Variants in STARD9 observed in about 807,000 individuals in gnomAD.
The protein encoded by STARD9 is stAR-related lipid transfer protein 9.
A neutral mutation model predicts 399.8 loss-of-function variants in STARD9; 346 were observed. That is an observed-to-expected ratio of 0.87 (90% CI 0.79 to 0.95). STARD9 has a LOEUF of 0.95. STARD9 is among the 40% of genes least tolerant of loss of function. The pLI is 0.00. For synonymous variants in STARD9, 2,203 were observed against 2,143.5 expected, an observed-to-expected ratio of 1.03 and a Z score of -0.77; for missense variants, 5,832 against 5,667.5, an observed-to-expected ratio of 1.03 and a Z score of -0.93.
At chr15:42,713,349 A>G (rs566983460) in intron 26 of STARD9, among the ~76,000 whole-genome samples, 1 of 152,192 alleles carries the variant, frequency 6.6e-6, no homozygotes, top group East Asian at 1.9e-4. Flanking sequence ...ATTCCTTAAG[A>G]TATTCTATAT....
chr15:42,665,807 G>T lies in STARD9; in HGVS notation c.1276G>T (p.Asp426Tyr). 6.5e-7 allele frequency: 1 copy of T among 1,537,214 alleles called. No individual in the cohort carries two copies. The highest frequency in any genetic ancestry group is 8.7e-7 in the Non-Finnish European group (1 of 1,146,864). The change falls in exon 15 of 33, where the codon GAT becomes TAT. Residue 426 changes from aspartate (D) to tyrosine (Y), a missense_variant. By Grantham distance (160) the Asp-to-Tyr change is radical. This residue lies in a region of STARD9 where 5,828 missense variants were observed against 5,651.1 expected (regional missense o/e 1.03). Transcript: ENST00000290607. ...FELRNFSSLSDENLKELVLQN... is the reference protein window; with the variant it reads ...FELRNFSSLSYENLKELVLQN... ...GCAGAGAAACTTCAGTTCATTGAGT[G>T]ATGAAAACCTGAAGGAGCTGGTTCT...
intron 26 of STARD9, among the ~76,000 whole-genome samples, chr15:42,708,812 T>C (rs184710173): frequency 2.0e-5 from 3 of 152,288 alleles, no homozygotes; most frequent in African/African-American, 4.8e-5. Flanking sequence ...GGTTTTCTTA[T>C]GGTTGGATTG....
rs781031164 is a variant in STARD9, at chr15:42,685,684, G to A, written c.4106G>A (p.Cys1369Tyr). 47 of 1,537,156 alleles carry A rather than the reference G, an allele frequency of 3.1e-5. No homozygotes were observed. The African/African-American group carries it at 5.6e-4, about 18-fold the overall frequency. Residue 1369 changes from cysteine (C) to tyrosine (Y), a missense_variant, in exon 23 of 33, where the codon TGT becomes TAT. Cys to Tyr is a radical substitution (Grantham distance 194, BLOSUM62 -2). Coordinates refer to ENST00000290607, the MANE Select transcript of STARD9 (RefSeq NM_020759.3). The part of the protein sequence containing the change: ...PSPDMQEFHS[C>Y]KGERPGYWPN... ...CCTGATATGCAGGAATTTCACTCCT[G>A]TAAGGGGGAGAGGCCTGGATACTGG... is the stretch of plus-strand genomic sequence containing the variant.
At chr15:42,636,010 A>G (rs623271) in intron 4 of STARD9, among the ~76,000 whole-genome samples, 102,832 of 152,062 alleles carry the variant, frequency 0.68, 37,364 homozygotes, top group East Asian at 0.89. Flanking sequence ...TATCCTGGTC[A>G]GGGTGCCAGG....
chr15:42,621,605 T>C (rs1159705115), intron 3 of STARD9, among the ~76,000 whole-genome samples: 1 of 152,174 alleles, frequency 6.6e-6, no homozygotes, highest in Non-Finnish European at 1.5e-5. Flanking sequence ...TTACAGCTCA[T>C]TTTCTTCATT....
In STARD9 at chr15:42,663,890, C is replaced by T; in HGVS notation, c.1149C>T (p.Asn383=). The T allele has an allele frequency of 6.5e-7, 1 of 1,536,718 alleles. No homozygotes were observed. Among genetic ancestry groups the T allele is most frequent in the Non-Finnish European group, 8.7e-7 (1 of 1,146,404 alleles). The part of the protein sequence containing the change: ...STLRYASSAK[N]IINKPRVNED... ...TGAGATATGCATCCAGTGCCAAAAA[C>T]ATTATCAACAAGCCACGAGTAAATG... The change falls in exon 13 of 33, where the codon AAC becomes AAT. Residue 383 remains asparagine (N), a synonymous_variant. Transcript: ENST00000290607.
chr15:42,582,000 A>G (rs377563048), intron 1 of STARD9, among the ~76,000 whole-genome samples: 2 of 152,208 alleles, frequency 1.3e-5, no homozygotes, highest in Admixed American at 6.5e-5. Context: ...TTAGCTGGGC[A>G]TGGTAGCAAG....
chr15:42,641,138 A>C (rs1407571564), intron 7 of STARD9, among the ~76,000 whole-genome samples: 1 of 152,206 alleles, frequency 6.6e-6, no homozygotes, highest in East Asian at 1.9e-4. Flanking sequence ...AGCTTGGGTC[A>C]TGTGTCCAAT....
intron 3 of STARD9, among the ~76,000 whole-genome samples, chr15:42,627,880 A>G (rs2059256769): frequency 6.6e-6 from 1 of 152,238 alleles, no homozygotes; most frequent in African/African-American, 2.4e-5. Context: ...ATAGTACTGC[A>G]ATAAACATGG....
intron 11 of STARD9, 62 bp from the exon 12 acceptor site, chr15:42,663,219 T>C: frequency 7.2e-7 from 1 of 1,397,182 alleles, no homozygotes; most frequent in South Asian, 1.3e-5. Context: ...ACCATTGTTT[T>C]GTTTTAATAT....
At chr15:42,593,003 T>C (rs144600080) in intron 3 of STARD9, among the ~76,000 whole-genome samples, 1 of 152,292 alleles carries the variant, frequency 6.6e-6, no homozygotes, top group East Asian at 1.9e-4. Context: ...AGAGATCATA[T>C]ATGCCTCAAA....
chr15:42,720,471 G>T lies in STARD9; in HGVS notation c.*897G>T, dbSNP rs978408428. The T allele has an allele frequency of 1.3e-5, 2 of 152,322 alleles. No homozygotes were observed. Among genetic ancestry groups the T allele is most frequent in the African/African-American group, 4.8e-5 (2 of 41,452 alleles). The allele number at this position is 152,322 out of a possible 1,614,324, so 9.4% of individuals were successfully genotyped here. ...GAGGTGAGTGGCTTGTTGGGAGGAA[G>T]CTCAGTTCCAGAACTTACCTCAGTG... On this transcript the variant is annotated 3_prime_UTR_variant, in exon 33 of 33. Transcript: ENST00000290607.
intron 26 of STARD9, among the ~76,000 whole-genome samples, chr15:42,698,711 C>A (rs2060897558): frequency 6.6e-6 from 1 of 152,160 alleles, no homozygotes; most frequent in South Asian, 2.1e-4. Flanking sequence ...ATTCTTCAAT[C>A]CACAATTATA....
chr15:42,670,243 A>G (rs1024383259), intron 16 of STARD9: 7 of 152,194 alleles, frequency 4.6e-5, no homozygotes, highest in African/African-American at 1.4e-4. Flanking sequence ...AAAGTAGGTA[A>G]AGGAAGCTTA....
At chr15:42,636,790 G>T (rs1206415192) in intron 4 of STARD9, among the ~76,000 whole-genome samples, 1 of 152,026 alleles carries the variant, frequency 6.6e-6, no homozygotes, top group Non-Finnish European at 1.5e-5. Flanking sequence ...TTGGGGCTGG[G>T]CATGTTGGCT....
At chr15:42,604,131 G>T (rs2058683992) in intron 3 of STARD9, among the ~76,000 whole-genome samples, 1 of 152,194 alleles carries the variant, frequency 6.6e-6, no homozygotes, top group Admixed American at 6.5e-5. Flanking sequence ...GTAGCCTGGA[G>T]GTTAGAAGTA....
At chr15:42,578,461 C>T (rs2141638772) in intron 1 of STARD9, among the ~76,000 whole-genome samples, 1 of 152,246 alleles carries the variant, frequency 6.6e-6, no homozygotes, top group Admixed American at 6.5e-5. Flanking sequence ...TCCCCTCTAC[C>T]TCACAGTTTC....
At position 42,688,488 on chromosome 15, in the gene STARD9, A is replaced by G. The variant is rs2060614312; in HGVS notation, c.6910A>G (p.Arg2304Gly). ...QKFPSLSQLC[R>G]DTFFRQETVS... ...ATTTCCTAGTCTCAGCCAGCTTTGT[A>G]GGGACACGTTTTTCAGGCAGGAAAC... The change falls in exon 23 of 33, where the codon AGG becomes GGG. Residue 2304 changes from arginine (R) to glycine (G), a missense_variant. By Grantham distance (125) the Arg-to-Gly change is moderately radical. Coordinates refer to ENST00000290607, the MANE Select transcript of STARD9 (RefSeq NM_020759.3). 1.3e-6 allele frequency: 2 copies of G among 1,537,916 alleles called. No individual in the cohort carries two copies. Among genetic ancestry groups the G allele is most frequent in the Non-Finnish European group, 1.7e-6 (2 of 1,147,052 alleles).
intron 3 of STARD9, among the ~76,000 whole-genome samples, chr15:42,631,338 T>C (rs920255549): frequency 6.6e-6 from 1 of 152,108 alleles, no homozygotes; most frequent in African/African-American, 2.4e-5. Context: ...TCCTAGTACT[T>C]TGTGACGCCA....
Sources: gnomAD v4.1 joint callset for allele counts (sites outside exome capture counted in the v4.1 genomes callset) on GRCh38, gnomAD v4.1.1 for gene constraint, gnomAD v4.1.1 regional missense constraint, MANE v1.5 for transcripts, NCBI Gene and HGNC (gene_info 2026-07-23, HGNC 2026-07-21) for gene names.